The following SLC37A1 variants were observed in gnomAD, a reference collection of about 807,000 sequenced individuals.
SLC37A1 encodes glucose-6-phosphate exchanger SLC37A1.
A neutral mutation model predicts 75.3 loss-of-function variants in SLC37A1; 49 were observed. The observed-to-expected ratio is 0.65, with a 90% confidence interval of 0.52 to 0.83. The LOEUF is 0.83. Among genes scored for constraint, SLC37A1 ranks in the 40% least tolerant of loss-of-function variants. The probability of loss-of-function intolerance (pLI) is 0.00; values close to 1 mark genes in which losing one functional copy is unlikely to be tolerated. For synonymous variants in SLC37A1, 268 were observed against 292.1 expected (o/e 0.92, Z 0.84); for missense variants, 566 against 695.0 (o/e 0.81, Z 2.09).
intron 9 of SLC37A1, among the ~76,000 whole-genome samples, chr21:42,553,400 C>G (rs1184832038): frequency 6.6e-6 from 1 of 152,224 alleles, no homozygotes; most frequent in Non-Finnish European, 1.5e-5. Flanking sequence ...TGGAGAATTT[C>G]AACAATTATT....
At position 42,548,588 on chromosome 21, in the gene SLC37A1, G is replaced by T. The variant is rs996603875; in HGVS notation, c.768+1448G>T. On this transcript the variant is annotated intron_variant, in intron 9 of 19. Transcript: ENST00000352133. The surrounding 1 kb of genome is among the most constrained non-coding windows in gnomAD (Gnocchi z 5.6). The stretch of plus-strand genomic sequence containing the variant: ...TACCACCCTGGTCCCCGTCACCACC[G>T]TCAGCTCTCCTCCGAGCCACTGCTC... Among the ~76,000 whole-genome samples, 2 of 152,114 alleles carry T rather than the reference G, an allele frequency of 1.3e-5. No homozygotes were observed. The highest frequency in any genetic ancestry group is 2.9e-5 in the Non-Finnish European group (2 of 68,024).
chr21:42,561,843 G>A, intron 11 of SLC37A1: 1 of 479,438 alleles, frequency 2.1e-6, no homozygotes, highest in Non-Finnish European at 3.7e-6. Context: ...ACCCTTCTCA[G>A]AGGCCCCGCC....
intron 12 of SLC37A1, among the ~76,000 whole-genome samples, chr21:42,562,849 A>T (rs531984394): frequency 6.6e-6 from 1 of 152,220 alleles, no homozygotes; most frequent in South Asian, 2.1e-4. Flanking sequence ...GAGGAAGGAG[A>T]AGACACACGC....
intron 6 of SLC37A1, among the ~76,000 whole-genome samples, chr21:42,540,172 AG>A (rs1391147715): frequency 1.3e-5 from 2 of 152,236 alleles, no homozygotes; most frequent in African/African-American, 2.4e-5. Context: ...TTACATACTG[AG>A]GGCTGCAGTG....
chr21:42,505,321 A>G (rs187368113), intron 2 of SLC37A1, among the ~76,000 whole-genome samples: 2 of 151,982 alleles, frequency 1.3e-5, no homozygotes, highest in South Asian at 2.1e-4. Flanking sequence ...CCCAAACCCA[A>G]CTTTCTGTAG....
chr21:42,562,453 T>TTAAACGTGGGCTACAC (rs2055854384), intron 12 of SLC37A1, among the ~76,000 whole-genome samples: 1 of 152,170 alleles, frequency 6.6e-6, no homozygotes, highest in Non-Finnish European at 1.5e-5. Context: ...CAGCCTGCGT[T>TTAAACGTGGGCTACAC]TAAACGTGGG....
intron 9 of SLC37A1, among the ~76,000 whole-genome samples, chr21:42,553,342 G>A (rs952417276): frequency 6.6e-6 from 1 of 152,188 alleles, no homozygotes; most frequent in Admixed American, 6.5e-5. Flanking sequence ...TTATTTTAAA[G>A]GAAGTTTGTT....
intron 4 of SLC37A1, among the ~76,000 whole-genome samples, 180 bp downstream of exon 4, chr21:42,535,010 G>C (rs2055097079): frequency 6.6e-6 from 1 of 152,258 alleles, no homozygotes; most frequent in Non-Finnish European, 1.5e-5. Flanking sequence ...GCGCAGAGCT[G>C]TTCCTCCTGA....
chr21:42,576,471 A>T (rs1363056020), intron 18 of SLC37A1, among the ~76,000 whole-genome samples: 1 of 152,174 alleles, frequency 6.6e-6, no homozygotes, highest in East Asian at 1.9e-4. Flanking sequence ...TGTAGCTAAC[A>T]CCCTACAAAA....
intron 2 of SLC37A1, among the ~76,000 whole-genome samples, chr21:42,506,947 A>T (rs1601648047): frequency 6.6e-6 from 1 of 152,174 alleles, no homozygotes; most frequent in East Asian, 1.9e-4. Context: ...CAGTGGTGCG[A>T]TCTCAGCTCA....
intron 18 of SLC37A1, among the ~76,000 whole-genome samples, chr21:42,579,500 C>T (rs553464706): frequency 4.2e-5 from 1 of 23,680 alleles, no homozygotes; most frequent in East Asian, 2.8e-4. Context: ...CCTGGTTCTT[C>T]GTGGGCCTTC....
intron 2 of SLC37A1, among the ~76,000 whole-genome samples, chr21:42,523,789 T>G (rs1384237784): frequency 6.6e-6 from 1 of 152,252 alleles, no homozygotes; most frequent in Non-Finnish European, 1.5e-5. Flanking sequence ...GCAGGTATTC[T>G]GCGAGTTGGT....
At chr21:42,579,862 T>C in intron 19 of SLC37A1, 62 bp downstream of exon 19, 1 of 1,543,350 alleles carries the variant, frequency 6.5e-7, no homozygotes, top group Middle Eastern at 1.7e-4. Context: ...CCTTCTGTCC[T>C]ATCTGCCTTC....
intron 6 of SLC37A1, among the ~76,000 whole-genome samples, chr21:42,541,177 G>A (rs747352195): frequency 2.6e-5 from 4 of 152,198 alleles, no homozygotes; most frequent in Admixed American, 1.3e-4. Flanking sequence ...AGTAGGGTTC[G>A]CGCTCCTATG....
At chr21:42,539,418 C>A (rs866358436) in intron 5 of SLC37A1, 94 bp from the exon 6 acceptor site, 1 of 1,394,054 alleles carries the variant, frequency 7.2e-7, no homozygotes, top group Non-Finnish European at 9.7e-7. Flanking sequence ...GCTCAGAGAA[C>A]AGCATGAAAG....
intron 4 of SLC37A1, 138 bp downstream of exon 4, chr21:42,534,968 G>A: frequency 8.2e-7 from 1 of 1,214,464 alleles, no homozygotes; most frequent in South Asian, 1.6e-5. Context: ...AAAAGCACAT[G>A]ACTTCACCGC....
At chr21:42,557,297 T>C (rs111331397) in intron 10 of SLC37A1, among the ~76,000 whole-genome samples, 21,862 of 152,222 alleles carry the variant, frequency 0.14, 2,210 homozygotes, top group African/African-American at 0.28. Flanking sequence ...ACTGCTTCCG[T>C]GGGGCTGGGG....
chr21:42,567,188 C>T (rs1430510410), intron 16 of SLC37A1, 130 bp downstream of exon 16: 2 of 868,194 alleles, frequency 2.3e-6, no homozygotes, highest in Admixed American at 2.1e-5. Context: ...TCACCTACAC[C>T]TGTGGTCTCC....
chr21:42,523,547 T>C (rs1193659850), intron 2 of SLC37A1, among the ~76,000 whole-genome samples: 1 of 152,250 alleles, frequency 6.6e-6, no homozygotes, highest in Non-Finnish European at 1.5e-5. Flanking sequence ...CCAGAAAGGA[T>C]GGTTTTCAGA....
Sources: gnomAD v4.1 joint callset for allele counts (sites outside exome capture counted in the v4.1 genomes callset) on GRCh38, gnomAD v4.1.1 for gene constraint, Gnocchi (gnomAD v3.1) non-coding constraint, MANE v1.5 for transcripts, NCBI Gene and HGNC (gene_info 2026-07-23, HGNC 2026-07-21) for gene names.